The following NCKAP1 variants were observed in gnomAD, a reference collection of about 807,000 sequenced individuals.
The protein encoded by NCKAP1 is nck-associated protein 1.
In NCKAP1, 21 loss-of-function variants were observed where a neutral mutation model predicts 151.2. The observed-to-expected ratio is 0.14, with a 90% CI of 0.10 to 0.20. The LOEUF is 0.20. Ranked by LOEUF, NCKAP1 falls within the 10% of genes least tolerant of loss-of-function variation. NCKAP1 has a pLI of 1.00. For missense variants in NCKAP1, 933 were observed against 1,352.1 expected, an observed-to-expected ratio of 0.69 and a Z score of 4.86; for synonymous variants, 484 against 451.8, an observed-to-expected ratio of 1.07 and a Z score of -0.90.
chr2:182,996,988 G>A (rs1559099166), intron 6 of NCKAP1, among the ~76,000 whole-genome samples: 1 of 152,144 alleles, frequency 6.6e-6, no homozygotes, highest in African/African-American at 2.4e-5. Context: ...AGGTTGTTAT[G>A]TTATGGGAAT....
In NCKAP1 at chr2:182,956,512, G is replaced by A; in HGVS notation, c.2103C>T (p.Thr701=). The change falls in exon 20 of 31, where the codon ACC becomes ACT. Residue 701 remains threonine (T), a synonymous_variant. Coordinates refer to ENST00000361354, the MANE Select transcript of NCKAP1 (RefSeq NM_013436.5). ...YVPNMVVWEH[T]FTPREYLTSH... ...AAGTCAAATATTCTCGTGGGGTAAA[G>A]GTATGTTCCCATACCACCATGTTTG... is the stretch of plus-strand genomic sequence containing the variant. The A allele has an allele frequency of 6.2e-7, 1 of 1,610,902 alleles. No individual in the cohort carries two copies. Among genetic ancestry groups the A allele is most frequent in the African/African-American group, 1.3e-5 (1 of 74,944 alleles).
At chr2:182,956,857 CATAAAG>C (rs1697338686) in intron 19 of NCKAP1, 1 of 273,520 alleles carries the variant, frequency 3.7e-6, no homozygotes, top group African/African-American at 2.2e-5. Flanking sequence ...ATTCTGCACT[CATAAAG>C]ATAATCACGC....
rs535745367 is a variant in NCKAP1 at position 183,033,358 on chromosome 2, G to T, written c.108+4634C>A. ...AGTTAGTTTCTGTCACTGGCTGCCT[G>T]AAGTTTCTATTCATACTTCAAAACC... On this transcript the variant is annotated intron_variant, in intron 1 of 30. Transcript: ENST00000361354. Among the ~76,000 whole-genome samples the T allele has an allele frequency of 7.2e-5, 11 of 152,286 alleles. No individual in the cohort carries two copies. In the South Asian group the frequency reaches 2.3e-3, roughly 32 times the overall value.
intron 2 of NCKAP1, among the ~76,000 whole-genome samples, chr2:183,020,907 C>G (rs1005483147): frequency 4.6e-5 from 7 of 150,598 alleles, no homozygotes; most frequent in African/African-American, 1.8e-4. Context: ...CAGATCAAAA[C>G]TGAGATCACA....
intron 9 of NCKAP1, among the ~76,000 whole-genome samples, chr2:182,987,098 C>T (rs1365697835): frequency 1.3e-5 from 2 of 151,894 alleles, no homozygotes; most frequent in South Asian, 2.1e-4. Flanking sequence ...AAAAATTAGT[C>T]GGGCATGGTG....
chr2:182,982,554 C>T (rs978141019), intron 12 of NCKAP1, among the ~76,000 whole-genome samples: 1 of 152,172 alleles, frequency 6.6e-6, no homozygotes, highest in African/African-American at 2.4e-5. Flanking sequence ...TCCCAGTCAA[C>T]TATGTGATCA....
intron 10 of NCKAP1, among the ~76,000 whole-genome samples, chr2:182,984,086 C>G (rs910120650): frequency 8.6e-5 from 13 of 150,744 alleles, no homozygotes; most frequent in African/African-American, 2.7e-4. Context: ...ACATTTTTGT[C>G]ACTTCCATAA....
rs1696528404 is a variant in NCKAP1 at position 182,920,212 on chromosome 2, G to A, written c.*5490C>T. The A allele has an allele frequency of 6.6e-6, 1 of 152,246 alleles. No homozygotes were observed. The highest frequency in any genetic ancestry group is 1.5e-5 in the Non-Finnish European group (1 of 68,140). The allele number at this position is 152,246 out of a possible 1,614,324, so 9.4% of individuals were successfully genotyped here. Reference sequence around the variant, plus strand: ...TGCTCTCGAACTTCTAGGCTCAAATGATACCTCTGGCTCCGCCTCTCAAAG... The same window carrying A: ...TGCTCTCGAACTTCTAGGCTCAAATAATACCTCTGGCTCCGCCTCTCAAAG... On this transcript the variant is annotated 3_prime_UTR_variant, in exon 31 of 31. Transcript: ENST00000361354.
chr2:182,990,762 T>A (rs1466227258), intron 8 of NCKAP1, among the ~76,000 whole-genome samples: 1 of 152,204 alleles, frequency 6.6e-6, no homozygotes, highest in East Asian at 1.9e-4. Context: ...CTTGACACTT[T>A]AACATAAAAC....
intron 1 of NCKAP1, among the ~76,000 whole-genome samples, chr2:183,025,932 T>A (rs75139715): frequency 0.054 from 8,237 of 152,294 alleles, 290 homozygotes; most frequent in Non-Finnish European, 0.08. Flanking sequence ...AATTTAGCTA[T>A]CCATTCCTCT....
Position 182,928,216 on chromosome 2 carries a change from G to T in NCKAP1, c.3081C>A (p.Asn1027Lys), listed in dbSNP as rs1362165435. 6.2e-7 allele frequency: 1 copy of T among 1,609,834 alleles called. No homozygotes were observed. The highest frequency in any genetic ancestry group is 1.3e-5 in the African/African-American group (1 of 74,876). The change falls in exon 29 of 31, where the codon AAC (asparagine) becomes AAA (lysine). Residue 1027 changes from asparagine (N) to lysine (K), a missense_variant. Around this residue, in one of 2 missense-constraint regions of NCKAP1, gnomAD observed 326 missense variants for 557.1 expected, o/e 0.59. Coordinates refer to ENST00000361354, the MANE Select transcript of NCKAP1 (RefSeq NM_013436.5). ...TGGCTTTGGCCAAGCAATGTATGTTGTTGCAATGCCCTGAGAAAATGCAAA... is the reference window on the plus strand; with the variant it reads ...TGGCTTTGGCCAAGCAATGTATGTTTTTGCAATGCCCTGAGAAAATGCAAA... ...QYSPAIEGHC[N>K]NIHCLAKAIN...
At position 182,909,702 on chromosome 2, in the gene NCKAP1, TAGGGCAC is replaced by T. The variant is rs1696358329; in HGVS notation, c.*15993_*15999del. Reference sequence around the variant, plus strand: ...GCCAAGGTTTCCTTGAGAAGATATTTAGGGCACAGGACACCAAAATACAAATAAGTCA... The same window carrying T: ...GCCAAGGTTTCCTTGAGAAGATATTTAGGACACCAAAATACAAATAAGTCA... On this transcript the variant is annotated 3_prime_UTR_variant, in exon 31 of 31. Transcript: ENST00000361354. 1.3e-5 allele frequency: 2 copies of T among 152,224 alleles called. No individual in the cohort carries two copies. Among genetic ancestry groups the T allele is most frequent in the South Asian group, 4.1e-4 (2 of 4,834 alleles). The allele number at this position is 152,224 out of a possible 1,614,324, so 9.4% of individuals were successfully genotyped here. A position where few individuals can be genotyped will look rare whatever the true frequency, so the allele number is the denominator to read the frequency against.
At chr2:182,935,404 G>T in intron 24 of NCKAP1, 29 bp from the exon 25 acceptor site, 2 of 1,358,788 alleles carry the variant, frequency 1.5e-6, no homozygotes, top group Non-Finnish European at 2.0e-6. Flanking sequence ...AAGGAGAAGA[G>T]AATAAAAAAG....
chr2:182,921,404 T>C lies in NCKAP1; in HGVS notation c.*4298A>G, dbSNP rs936302492. ...GTCAGTATGTGTATGTAGTGTACTA[T>C]GAATGTGACTCAGCCATATACTACA... On this transcript the variant is annotated 3_prime_UTR_variant, in exon 31 of 31. Transcript: ENST00000361354. The C allele has an allele frequency of 7.2e-5, 11 of 152,220 alleles. No individual in the cohort carries two copies. The highest frequency in any genetic ancestry group is 2.1e-4 in the South Asian group (1 of 4,834). 9.4% of individuals were successfully genotyped at this position (152,220 alleles called of 1,614,324 possible). A position where few individuals can be genotyped will look rare whatever the true frequency, so the allele number is the denominator to read the frequency against.
In NCKAP1 at chr2:182,991,872, C is replaced by T. The variant is rs1191780533; in HGVS notation, c.791-2686G>A. Among the ~76,000 whole-genome samples, 3 of 152,068 alleles carry T rather than the reference C, an allele frequency of 2.0e-5. No homozygotes were observed. The East Asian group carries it at 5.8e-4, about 29-fold the overall frequency. ...CCAATCAACAGACCCAAAAATGAACCCTAAAATACGTATCAGGATAATTAA... is the reference window on the plus strand; with the variant it reads ...CCAATCAACAGACCCAAAAATGAACTCTAAAATACGTATCAGGATAATTAA... On this transcript the variant is annotated intron_variant, in intron 8 of 30. Transcript: ENST00000361354.
chr2:183,006,398 T>C (rs982941915), intron 2 of NCKAP1, among the ~76,000 whole-genome samples: 1 of 152,162 alleles, frequency 6.6e-6, no homozygotes, highest in Non-Finnish European at 1.5e-5. Flanking sequence ...AAAATAAATA[T>C]AATAAAACTT....
rs988070209 is a variant in NCKAP1 at position 182,914,924 on chromosome 2, A to T, written c.*10778T>A. 2 of 152,204 alleles carry T rather than the reference A, an allele frequency of 1.3e-5. No homozygotes were observed. The highest frequency in any genetic ancestry group is 4.8e-5 in the African/African-American group (2 of 41,448). The allele number at this position is 152,204 out of a possible 1,614,324, so 9.4% of individuals were successfully genotyped here. ...TCCATCCCTTCCCTTTAAAGAAATC[A>T]GATTTTGTAAACAGTGAAAAAACCA... On this transcript the variant is annotated 3_prime_UTR_variant, in exon 31 of 31. Transcript: ENST00000361354.
Position 182,917,774 on chromosome 2 carries a change from A to G in NCKAP1, c.*7928T>C, listed in dbSNP as rs1696491060. ...TGTGAGCTTGAGATTTAAAACTAAA[A>G]CAAATATTTTTAACATTCACAAATA... On this transcript the variant is annotated 3_prime_UTR_variant, in exon 31 of 31. Coordinates refer to ENST00000361354, the MANE Select transcript of NCKAP1 (RefSeq NM_013436.5). 1 of 152,222 alleles carries G rather than the reference A, an allele frequency of 6.6e-6. No individual in the cohort carries two copies. The highest frequency in any genetic ancestry group is 6.5e-5 in the Admixed American group (1 of 15,286). 9.4% of individuals were successfully genotyped at this position (152,222 alleles called of 1,614,324 possible).
In NCKAP1 at chr2:182,918,997, T is replaced by C. The variant is rs749564541; in HGVS notation, c.*6705A>G. ...TAGTGTGAGTTTGTAAAAATTGCTTTGTCTTTCCTGAGCTTCAGTTTCCAT... is the reference window on the plus strand; with the variant it reads ...TAGTGTGAGTTTGTAAAAATTGCTTCGTCTTTCCTGAGCTTCAGTTTCCAT... On this transcript the variant is annotated 3_prime_UTR_variant, in exon 31 of 31. Coordinates refer to ENST00000361354, the MANE Select transcript of NCKAP1 (RefSeq NM_013436.5). 2 of 152,226 alleles carry C rather than the reference T, an allele frequency of 1.3e-5. No homozygotes were observed. The highest frequency in any genetic ancestry group is 2.9e-5 in the Non-Finnish European group (2 of 68,034). 9.4% of individuals were successfully genotyped at this position (152,226 alleles called of 1,614,324 possible).
Sources: allele counts gnomAD v4.1 joint callset (sites outside exome capture counted in the v4.1 genomes callset), GRCh38; gene constraint gnomAD v4.1.1; regional missense constraint gnomAD v4.1.1; transcripts MANE v1.5; gene names NCBI Gene and HGNC (gene_info 2026-07-23, HGNC 2026-07-21).